MAP9: variants seen among roughly 807,000 people sequenced by gnomAD.
MAP9 encodes microtubule associated protein 9, also known as microtubule-associated protein 9.
A neutral mutation model predicts 75.2 loss-of-function variants in MAP9; 80 were observed. That is an observed-to-expected ratio of 1.06 (90% CI 0.89 to 1.28). The LOEUF (loss-of-function observed/expected upper bound fraction) is 1.28. Among genes scored for constraint, MAP9 ranks in the 50% most tolerant of loss-of-function variants. MAP9 has a pLI of 0.00. For missense variants in MAP9, 753 were observed against 719.9 expected, an observed-to-expected ratio of 1.05 and a Z score of -0.53; for synonymous variants, 235 against 237.3, an observed-to-expected ratio of 0.99 and a Z score of 0.09.
At chr4:155,374,346 A>AAAACAAAATC in intron 3 of MAP9, among the ~76,000 whole-genome samples, 1 of 151,714 alleles carries the variant, frequency 6.6e-6, no homozygotes, top group Non-Finnish European at 1.5e-5. Context: ...CTCAAAAACA[A>AAAACAAAATC]AAACAAACAA....
At chr4:155,365,524 A>T (rs1386656749) in intron 5 of MAP9, among the ~76,000 whole-genome samples, 1 of 152,164 alleles carries the variant, frequency 6.6e-6, no homozygotes, top group Non-Finnish European at 1.5e-5. Context: ...CTTAAATTAT[A>T]CAACATTATA....
intron 13 of MAP9, chr4:155,351,136 AGT>A (rs1196404091): frequency 6.6e-6 from 1 of 151,932 alleles, no homozygotes; most frequent in African/African-American, 2.4e-5. Context: ...TAATAATGGA[AGT>A]GTGGCACTGG....
chr4:155,358,688 A>G (rs1731917335), intron 7 of MAP9, among the ~76,000 whole-genome samples: 1 of 152,104 alleles, frequency 6.6e-6, no homozygotes, highest in African/African-American at 2.4e-5. Context: ...TCTGTTTCTT[A>G]AGGTTATAAT....
At chr4:155,362,940 T>G (rs1477487251) in intron 5 of MAP9, 1 of 152,232 alleles carries the variant, frequency 6.6e-6, no homozygotes, top group Admixed American at 6.5e-5. Context: ...TGAGGAGATC[T>G]GCAAATTAGT....
At position 155,368,589 on chromosome 4, in the gene MAP9, A is replaced by G. The variant is rs1301425071; in HGVS notation, c.705T>C (p.Pro235=). The change falls in exon 5 of 14, where the codon CCT becomes CCC. Residue 235 remains proline (P), a synonymous_variant. Coordinates refer to ENST00000311277, the MANE Select transcript of MAP9 (RefSeq NM_001039580.2). ...ACAGTTTAGTGGTAGTGCTAACCTC[A>G]GGATCAAGGTTTTCAGAGAATGCTT... ...EKKAFSENLD[P]EDSCLTSLAS... The G allele has an allele frequency of 6.2e-7, 1 of 1,611,308 alleles. No homozygotes were observed. The highest frequency in any genetic ancestry group is 8.5e-7 in the Non-Finnish European group (1 of 1,177,520).
intron 5 of MAP9, 121 bp from the exon 6 acceptor site, chr4:155,362,262 A>T (rs1008118434): frequency 1.6e-6 from 1 of 636,348 alleles, no homozygotes; most frequent in African/African-American, 1.9e-5. Flanking sequence ...TGCATTATTT[A>T]GGCATTTGTT....
At chr4:155,375,480 A>C (rs1307157082) in intron 2 of MAP9, among the ~76,000 whole-genome samples, 1 of 152,190 alleles carries the variant, frequency 6.6e-6, no homozygotes, top group African/African-American at 2.4e-5. Context: ...CAGAAAAAAA[A>C]ACTTAAACAT....
At chr4:155,363,882 T>A (rs1409251680) in intron 5 of MAP9, among the ~76,000 whole-genome samples, 1 of 152,052 alleles carries the variant, frequency 6.6e-6, no homozygotes. Flanking sequence ...ATAGCACAAA[T>A]TTCAATGCAT....
chr4:155,358,484 C>G (rs1731907162), intron 7 of MAP9, among the ~76,000 whole-genome samples: 1 of 152,050 alleles, frequency 6.6e-6, no homozygotes, highest in African/African-American at 2.4e-5. Context: ...AAGTATTGCT[C>G]AAACACAAAT....
At position 155,343,938 on chromosome 4, in the gene MAP9, G is replaced by T. The variant is rs1731196866; in HGVS notation, c.*3845C>A. 2 of 151,866 alleles carry T rather than the reference G, an allele frequency of 1.3e-5. No individual in the cohort carries two copies. The highest frequency in any genetic ancestry group is 2.4e-5 in the African/African-American group (1 of 41,422). 9.4% of individuals were successfully genotyped at this position (151,866 alleles called of 1,614,324 possible). A position where few individuals can be genotyped will look rare whatever the true frequency, so the allele number is the denominator to read the frequency against. ...TATTAGCCAGTGTAAATGCAAACTA[G>T]GAAAGTTGATATCTTTCTTTTATGT... On this transcript the variant is annotated 3_prime_UTR_variant, in exon 14 of 14. Transcript: ENST00000311277.
At chr4:155,372,086 T>C (rs1265766544) in intron 4 of MAP9, among the ~76,000 whole-genome samples, 2 of 152,202 alleles carry the variant, frequency 1.3e-5, no homozygotes, top group Admixed American at 6.5e-5. Context: ...TGAAGTCATA[T>C]ATAATATACA....
Position 155,348,759 on chromosome 4 carries a change from A to G in MAP9, c.1822-854T>C, listed in dbSNP as rs143365389. On this transcript the variant is annotated intron_variant, in intron 13 of 13. Coordinates refer to ENST00000311277, the MANE Select transcript of MAP9 (RefSeq NM_001039580.2). Reference sequence around the variant, plus strand: ...GCCTTTAATTTTTAGTAATTTGTGTACTTTCCTATAATAAATATTAATGAT... The same window carrying G: ...GCCTTTAATTTTTAGTAATTTGTGTGCTTTCCTATAATAAATATTAATGAT... 3.9e-5 allele frequency among the ~76,000 whole-genome samples: 6 copies of G among 152,236 alleles called. No individual in the cohort carries two copies. The East Asian group carries it at 1.2e-3, about 29-fold the overall frequency.
chr4:155,355,348 C>G (rs1731724152), intron 9 of MAP9, among the ~76,000 whole-genome samples, 188 bp from the exon 10 acceptor site: 1 of 151,946 alleles, frequency 6.6e-6, no homozygotes, highest in African/African-American at 2.4e-5. Flanking sequence ...CTATGTACGC[C>G]TAACAACATC....
At chr4:155,370,384 A>G (rs937687010) in intron 4 of MAP9, among the ~76,000 whole-genome samples, 2 of 152,330 alleles carry the variant, frequency 1.3e-5, no homozygotes, top group Admixed American at 1.3e-4. Flanking sequence ...TTTAAACAAC[A>G]TAAAACGGAT....
intron 8 of MAP9, among the ~76,000 whole-genome samples, chr4:155,356,505 C>G (rs1327330110): frequency 2.6e-5 from 4 of 152,020 alleles, no homozygotes; most frequent in African/African-American, 9.7e-5. Context: ...GACCACTTCT[C>G]AAGTTACATG....
chr4:155,358,177 AC>A (rs1731891456), intron 7 of MAP9, among the ~76,000 whole-genome samples: 1 of 152,128 alleles, frequency 6.6e-6, no homozygotes, highest in Non-Finnish European at 1.5e-5. Flanking sequence ...ACAAGTTACA[AC>A]CTTACTTGTT....
At chr4:155,354,622 C>G (rs1731681472) in intron 10 of MAP9, among the ~76,000 whole-genome samples, 1 of 151,984 alleles carries the variant, frequency 6.6e-6, no homozygotes, top group Non-Finnish European at 1.5e-5. Context: ...CACCACCATC[C>G]CTGGCTAATT....
intron 7 of MAP9, 88 bp downstream of exon 7, chr4:155,360,080 G>C: frequency 8.3e-7 from 1 of 1,208,448 alleles, no homozygotes; most frequent in Non-Finnish European, 1.2e-6. Flanking sequence ...TGGTAATTCA[G>C]AAGTATATAA....
Position 155,368,743 on chromosome 4 carries a change from T to C in MAP9, c.551A>G (p.Lys184Arg), listed in dbSNP as rs748907229. 6.2e-7 allele frequency: 1 copy of C among 1,614,126 alleles called. No homozygotes were observed. The highest frequency in any genetic ancestry group is 2.2e-5 in the East Asian group (1 of 44,886). The change falls in exon 5 of 14, where the codon AAG becomes AGG. Residue 184 changes from lysine to arginine, a missense_variant. By Grantham distance (26) the Lys-to-Arg change is conservative. Transcript: ENST00000311277. ...ATCCTTCTCCTCCATGTGACTTTTC[T>C]TTTTCAACATACTCCTTGGCCGAGG... ...PSPRPRSMLK[K>R]KSHMEEKDGL... is the part of the protein sequence containing the mutation.
Sources: allele counts gnomAD v4.1 joint callset (sites outside exome capture counted in the v4.1 genomes callset), GRCh38; gene constraint gnomAD v4.1.1; transcripts MANE v1.5; gene names NCBI Gene and HGNC (gene_info 2026-07-23, HGNC 2026-07-21).